Variants in CUTC observed in about 807,000 individuals in gnomAD.
CUTC encodes copper homeostasis protein cutC homolog.
Under a neutral mutation model 36.2 loss-of-function variants are expected in CUTC, and 27 were observed. That is an observed-to-expected ratio of 0.75 (90% confidence interval 0.55 to 1.03). The LOEUF is 1.03. Ranked by LOEUF, CUTC falls within the 50% of genes least tolerant of loss-of-function variation. The pLI is 0.00. For missense variants in CUTC, 315 were observed against 343.5 expected, an observed-to-expected ratio of 0.92 and a Z score of 0.66; for synonymous variants, 114 against 118.3, an observed-to-expected ratio of 0.96 and a Z score of 0.24.
chr10:99,742,892 A>G (rs778543139), intron 3 of CUTC, among the ~76,000 whole-genome samples: 10 of 152,188 alleles, frequency 6.6e-5, no homozygotes, highest in Non-Finnish European at 8.8e-5. Flanking sequence ...GCACTTTCAA[A>G]TGTCACCTAC....
At chr10:99,745,914 A>C (rs1045980712) in intron 5 of CUTC, among the ~76,000 whole-genome samples, 23 of 152,362 alleles carry the variant, frequency 1.5e-4, no homozygotes, top group South Asian at 1.0e-3. Flanking sequence ...GAAAACAACT[A>C]CCCTTATGCT....
At position 99,732,367 on chromosome 10, in the gene CUTC, T is replaced by C. The variant is rs1000489489; in HGVS notation, c.19T>C (p.Ser7Pro). The change falls in exon 1 of 9, where the codon TCC becomes CCC. Residue 7 changes from serine to proline, a missense_variant. Physicochemically the swap from Ser to Pro is moderately conservative, Grantham distance 74. Transcript: ENST00000370476. ...GTGGAGCATGAAAAGGCAGGGGGCCTCCTCTGAGCGAAAACGAGCGCGGAT... is the reference window on the plus strand; with the variant it reads ...GTGGAGCATGAAAAGGCAGGGGGCCCCCTCTGAGCGAAAACGAGCGCGGAT... MKRQGA[S>P]SERKRARIPS... 3 of 1,553,142 alleles carry C rather than the reference T, an allele frequency of 1.9e-6. No individual in the cohort carries two copies. Among genetic ancestry groups the C allele is most frequent in the Non-Finnish European group, 2.6e-6 (3 of 1,148,128 alleles).
intron 5 of CUTC, among the ~76,000 whole-genome samples, chr10:99,744,750 T>C (rs1477990579): frequency 6.6e-6 from 1 of 152,214 alleles, no homozygotes; most frequent in Non-Finnish European, 1.5e-5. Context: ...CAGGTAGATA[T>C]AATTTTTTTT....
chr10:99,749,348 T>C (rs1212015838), intron 6 of CUTC, among the ~76,000 whole-genome samples: 2 of 152,164 alleles, frequency 1.3e-5, no homozygotes, highest in African/African-American at 2.4e-5. Flanking sequence ...TAATAGCACC[T>C]ACCTCCTAGA....
At chr10:99,738,469 T>A (rs1301318714) in intron 2 of CUTC, among the ~76,000 whole-genome samples, 1 of 152,080 alleles carries the variant, frequency 6.6e-6, no homozygotes, top group Non-Finnish European at 1.5e-5. Context: ...ATTTGTTTTA[T>A]ATGCCTCTTA....
intron 5 of CUTC, among the ~76,000 whole-genome samples, chr10:99,746,758 T>TTTA (rs906083521): frequency 1.3e-5 from 2 of 152,044 alleles, no homozygotes; most frequent in African/African-American, 4.8e-5. Flanking sequence ...ACTGAATTTT[T>TTTA]TTATTATTAT....
chr10:99,739,604 G>A lies in CUTC; in HGVS notation c.134-106G>A. On this transcript the variant is annotated intron_variant, in intron 2 of 8. Coordinates refer to ENST00000370476, the MANE Select transcript of CUTC (RefSeq NM_015960.3). ...CTTTATAATTTGATTTCTCTGAGATGATTTCTAAGACTGTTCTATATTTGG... is the reference window on the plus strand; with the variant it reads ...CTTTATAATTTGATTTCTCTGAGATAATTTCTAAGACTGTTCTATATTTGG... 3.1e-6 allele frequency: 3 copies of A among 975,836 alleles called. No homozygotes were observed. In the South Asian group the frequency reaches 4.6e-5, roughly 15 times the overall value. 60.4% of individuals were successfully genotyped at this position (975,836 alleles called of 1,614,324 possible). A position where few individuals can be genotyped will look rare whatever the true frequency, so the allele number is the denominator to read the frequency against.
At chr10:99,734,060 T>C (rs1590115724) in intron 1 of CUTC, among the ~76,000 whole-genome samples, 3 of 130,560 alleles carry the variant, frequency 2.3e-5, no homozygotes. Context: ...TTGGGACTGA[T>C]AGTATTTTTT....
intron 6 of CUTC, among the ~76,000 whole-genome samples, chr10:99,748,971 A>G (rs2037398927): frequency 6.6e-6 from 1 of 152,198 alleles, no homozygotes; most frequent in East Asian, 1.9e-4. Flanking sequence ...GGGGAGGCCT[A>G]AAGTGTTTTA....
chr10:99,749,350 C>T (rs1052974376), intron 6 of CUTC, among the ~76,000 whole-genome samples: 1 of 152,132 alleles, frequency 6.6e-6, no homozygotes, highest in Non-Finnish European at 1.5e-5. Context: ...ATAGCACCTA[C>T]CTCCTAGAAT....
intron 7 of CUTC, 82 bp from the exon 8 acceptor site, chr10:99,754,447 G>A: frequency 1.1e-6 from 1 of 898,826 alleles, no homozygotes. Flanking sequence ...GGGATTCCAA[G>A]TAAAGTAAGC....
intron 3 of CUTC, among the ~76,000 whole-genome samples, chr10:99,741,290 C>T (rs375045664): frequency 1.3e-5 from 2 of 152,126 alleles, no homozygotes; most frequent in African/African-American, 4.8e-5. Flanking sequence ...TGAACTCTAC[C>T]CTGTGACCAT....
chr10:99,753,981 CAAAT>C (rs1392054377), intron 7 of CUTC, among the ~76,000 whole-genome samples: 1 of 152,130 alleles, frequency 6.6e-6, no homozygotes, highest in Non-Finnish European at 1.5e-5. Context: ...TTCATCAAAA[CAAAT>C]GTCATAAAAT....
chr10:99,732,994 C>CAAA (rs1045299188), intron 1 of CUTC, among the ~76,000 whole-genome samples: 17 of 152,112 alleles, frequency 1.1e-4, no homozygotes, highest in Non-Finnish European at 1.6e-4. Flanking sequence ...CAAGAATCCT[C>CAAA]AAAGATTTTT....
In CUTC at chr10:99,754,636, T is replaced by G; in HGVS notation, c.707+2T>G. On this transcript the variant is annotated splice_donor_variant, in intron 8 of 8. Coordinates refer to ENST00000370476, the MANE Select transcript of CUTC (RefSeq NM_015960.3). LOFTEE classifies it high-confidence loss of function. The stretch of plus-strand genomic sequence containing the variant: ...TAGAGACTCGGGAATGAAGTTTCGG[T>G]AAAAATGTATTCTTCGATTCAAATA... 2 of 1,587,844 alleles carry G rather than the reference T, an allele frequency of 1.3e-6. No individual in the cohort carries two copies. The highest frequency in any genetic ancestry group is 1.7e-6 in the Non-Finnish European group (2 of 1,159,586).
In CUTC at chr10:99,739,747, G is replaced by T; in HGVS notation, c.171G>T (p.Glu57Asp). 6.2e-7 allele frequency: 1 copy of T among 1,610,818 alleles called. No homozygotes were observed. The highest frequency in any genetic ancestry group is 8.5e-7 in the Non-Finnish European group (1 of 1,178,732). Residue 57 changes from glutamate to aspartate, a missense_variant, in exon 3 of 9, where the codon GAG (glutamate) becomes GAT (aspartate). Transcript: ENST00000370476. ...DRIELCSGLS[E>D]GGTTPSMGVL... ...TTGAATTATGTTCTGGTTTATCAGA[G>T]GGGGGAACTACACCCAGCATGGGTA...
chr10:99,738,856 G>A (rs2037318354), intron 2 of CUTC, among the ~76,000 whole-genome samples: 1 of 152,058 alleles, frequency 6.6e-6, no homozygotes. Flanking sequence ...TTTTCTGTCA[G>A]CTTTTCACCT....
intron 3 of CUTC, among the ~76,000 whole-genome samples, chr10:99,741,861 C>T (rs547935532): frequency 4.7e-4 from 71 of 152,278 alleles, no homozygotes; most frequent in African/African-American, 1.5e-3. Context: ...CATGAGCCAC[C>T]GTACCAAGCC....
At chr10:99,739,352 G>A (rs1385163230) in intron 2 of CUTC, among the ~76,000 whole-genome samples, 1 of 152,036 alleles carries the variant, frequency 6.6e-6, no homozygotes, top group African/African-American at 2.4e-5. Flanking sequence ...AGACCCTTTT[G>A]GGAAATATTA....
Sources: allele counts gnomAD v4.1 joint callset (sites outside exome capture counted in the v4.1 genomes callset), GRCh38; gene constraint gnomAD v4.1.1; transcripts MANE v1.5; gene names NCBI Gene and HGNC (gene_info 2026-07-23, HGNC 2026-07-21).